Variants in KREMEN1 observed in about 807,000 individuals in gnomAD.
KREMEN1 encodes the protein kremen protein 1.
In KREMEN1, 30 loss-of-function variants were observed where a neutral mutation model predicts 46.5. The observed-to-expected ratio is 0.65, with a 90% CI of 0.48 to 0.88. The LOEUF (loss-of-function observed/expected upper bound fraction) is 0.88. KREMEN1 is among the 40% of genes least tolerant of loss of function. The pLI, the probability that KREMEN1 is intolerant of heterozygous loss-of-function variation, is 0.00. For missense variants in KREMEN1, 533 were observed against 596.9 expected (o/e 0.89, Z 1.11); for synonymous variants, 214 against 230.6 (o/e 0.93, Z 0.65).
downstream of KREMEN1, among the ~76,000 whole-genome samples, chr22:29,149,903 G>A (rs1196639560): frequency 2.0e-5 from 3 of 152,170 alleles, no homozygotes; most frequent in Admixed American, 6.5e-5. Context: ...GAAGGGGAAC[G>A]GGGCTGGACA....
intron 6 of KREMEN1, among the ~76,000 whole-genome samples, chr22:29,138,003 CA>C (rs781452613): frequency 4.6e-5 from 7 of 152,198 alleles, no homozygotes; most frequent in Non-Finnish European, 1.0e-4. Context: ...GGAAGGTTAT[CA>C]AAAGGTCATC....
At chr22:29,118,477 T>C (rs563512092) in intron 3 of KREMEN1, among the ~76,000 whole-genome samples, 6 of 152,188 alleles carry the variant, frequency 3.9e-5, no homozygotes, top group African/African-American at 1.4e-4. Flanking sequence ...ACAACAGACA[T>C]TTATTTCTCA....
intron 1 of KREMEN1, among the ~76,000 whole-genome samples, chr22:29,081,351 A>G (rs1164071042): frequency 6.6e-6 from 1 of 152,248 alleles, no homozygotes; most frequent in East Asian, 1.9e-4. Context: ...TGTCAGATAC[A>G]TTACAGGATG....
At position 29,158,954 on chromosome 22, in the gene KREMEN1, G is replaced by A. The variant is rs564656706; in HGVS notation, c.1417-8090G>A. ...CTGCCTCAGCCTCCCAAGTAGCTGG[G>A]ATTACATGCAGCTGCCACCAAGCTG... On this transcript the variant is annotated intron_variant, in intron 9 of 9. Transcript: ENST00000327813. Among the ~76,000 whole-genome samples, 9 of 152,102 alleles carry A rather than the reference G, an allele frequency of 5.9e-5. No individual in the cohort carries two copies. In the South Asian group the frequency reaches 1.9e-3, roughly 32 times the overall value.
intron 2 of KREMEN1, 87 bp from the exon 3 acceptor site, chr22:29,098,775 G>A (rs2037925616): frequency 1.0e-6 from 1 of 986,920 alleles, no homozygotes; most frequent in South Asian, 1.3e-5. Flanking sequence ...AGAAGCTAAA[G>A]CATTTCCTTT....
intron 8 of KREMEN1, among the ~76,000 whole-genome samples, chr22:29,141,610 A>G (rs566963632): frequency 3.3e-5 from 5 of 152,360 alleles, no homozygotes; most frequent in African/African-American, 1.2e-4. Context: ...GCTTCCAGGT[A>G]AATGGCATTT....
At chr22:29,111,310 TAAA>T (rs750795996) in intron 3 of KREMEN1, among the ~76,000 whole-genome samples, 1 of 117,554 alleles carries the variant, frequency 8.5e-6, no homozygotes, top group African/African-American at 3.2e-5. Context: ...CTGTCTCTAT[TAAA>T]AAAAAAAAAA....
At chr22:29,080,202 A>G (rs572500453) in intron 1 of KREMEN1, among the ~76,000 whole-genome samples, 1 of 152,288 alleles carries the variant, frequency 6.6e-6, no homozygotes, top group African/African-American at 2.4e-5. Flanking sequence ...AGGGCCTTCA[A>G]TCCTTCCCTC....
At chr22:29,088,902 C>G (rs1009862047) in intron 1 of KREMEN1, among the ~76,000 whole-genome samples, 9 of 152,112 alleles carry the variant, frequency 5.9e-5, no homozygotes, top group African/African-American at 2.2e-4. Flanking sequence ...TCTAGAGCCC[C>G]TAACATACGC....
chr22:29,079,946 A>T (rs775208811), intron 1 of KREMEN1, among the ~76,000 whole-genome samples: 10 of 152,252 alleles, frequency 6.6e-5, no homozygotes, highest in Non-Finnish European at 1.3e-4. Context: ...TTGGGCTGGT[A>T]AAAATATTTT....
intron 9 of KREMEN1, among the ~76,000 whole-genome samples, chr22:29,156,125 G>C (rs1306430020): frequency 6.6e-6 from 1 of 152,198 alleles, no homozygotes; most frequent in Non-Finnish European, 1.5e-5. Flanking sequence ...CCCCCAGGAA[G>C]GGGGCCTGGC....
intron 8 of KREMEN1, 117 bp downstream of exon 8, chr22:29,140,483 C>T (rs1262173317): frequency 2.6e-6 from 2 of 768,718 alleles, no homozygotes; most frequent in African/African-American, 3.4e-5. Context: ...CCAAAGCCCT[C>T]AGTCCTAGGG....
chr22:29,080,992 A>G lies in KREMEN1; in HGVS notation c.97+7765A>G, dbSNP rs540550622. Among the ~76,000 whole-genome samples the G allele has an allele frequency of 1.5e-4, 20 of 131,760 alleles. No individual in the cohort carries two copies. The South Asian group carries it at 4.7e-3, about 31-fold the overall frequency. 86.4% of individuals were successfully genotyped at this position (131,760 alleles called of 152,430 possible). ...TCAAGCTTTCCTGTTACCAGCAATG[A>G]ATTTTTTTTTTTATACTTTAAGTTT... On this transcript the variant is annotated intron_variant, in intron 1 of 8. Coordinates refer to ENST00000400335, the MANE Select transcript of KREMEN1 (RefSeq NM_001039570.3).
intron 1 of KREMEN1, among the ~76,000 whole-genome samples, chr22:29,078,855 G>A (rs1355698843): frequency 1.3e-5 from 2 of 152,222 alleles, no homozygotes; most frequent in East Asian, 1.9e-4. Context: ...CACCCCCAAC[G>A]CCACTTGGCA....
intron 3 of KREMEN1, among the ~76,000 whole-genome samples, chr22:29,117,310 G>A (rs1305961821): frequency 2.6e-5 from 4 of 152,228 alleles, no homozygotes; most frequent in Admixed American, 6.5e-5. Context: ...GCTCACGCCT[G>A]TAATCCCAGC....
intron 5 of KREMEN1, among the ~76,000 whole-genome samples, chr22:29,131,548 ATATATATATATATGTGTGTGTGTG>A (rs1472986560): frequency 3.4e-5 from 2 of 58,806 alleles, no homozygotes; most frequent in African/African-American, 1.5e-4. Context: ...ATATATATAT[ATATATATATATATGTGTGTGTGTG>A]TGTGTGTGTG....
In KREMEN1 at chr22:29,146,766, A is replaced by C. The variant is rs2038871608; in HGVS notation, c.*4654A>C. 2.1e-6 allele frequency: 2 copies of C among 957,594 alleles called. No individual in the cohort carries two copies. The highest frequency in any genetic ancestry group is 1.2e-6 in the Non-Finnish European group (1 of 804,374). The allele number at this position is 957,594 out of a possible 1,614,324, so 59.3% of individuals were successfully genotyped here. ...GTAATGGTACTTTTACAAACGAGAAAAAATGTTATTTTTACTTTCTGGAAA... is the reference window on the plus strand; with the variant it reads ...GTAATGGTACTTTTACAAACGAGAACAAATGTTATTTTTACTTTCTGGAAA... On this transcript the variant is annotated 3_prime_UTR_variant, in exon 9 of 9. Coordinates refer to ENST00000400335, the MANE Select transcript of KREMEN1 (RefSeq NM_001039570.3).
intron 6 of KREMEN1, 64 bp from the exon 7 acceptor site, chr22:29,138,560 C>T: frequency 6.7e-7 from 1 of 1,495,556 alleles, no homozygotes; most frequent in Non-Finnish European, 9.3e-7. Context: ...TCGTGCTCTC[C>T]TCCCGCACAA....
chr22:29,089,181 A>G (rs2037772749), intron 1 of KREMEN1, among the ~76,000 whole-genome samples: 1 of 152,126 alleles, frequency 6.6e-6, no homozygotes. Flanking sequence ...TCATGTAGCC[A>G]TTTGCGTACT....
Sources: gnomAD v4.1 joint callset for allele counts (sites outside exome capture counted in the v4.1 genomes callset) on GRCh38, gnomAD v4.1.1 for gene constraint, MANE v1.5 for transcripts, NCBI Gene and HGNC (gene_info 2026-07-23, HGNC 2026-07-21) for gene names.